KMT2C: variants seen among roughly 807,000 people sequenced by gnomAD.
The protein encoded by KMT2C is lysine methyltransferase 2C.
KMT2C carries 88 observed loss-of-function variants against 507.9 expected under a neutral mutation model. The ratio of observed to expected loss-of-function variants is 0.17; its 90% CI spans 0.15 to 0.21. The LOEUF (loss-of-function observed/expected upper bound fraction) is 0.21, where lower values mean the gene tolerates loss of function less well. Ranked by LOEUF, KMT2C falls within the 10% of genes least tolerant of loss-of-function variation. The pLI is 1.00. For missense variants in KMT2C, 4,954 were observed against 5,957.8 expected (o/e 0.83, Z 5.55); for synonymous variants, 2,049 against 2,080.8 (o/e 0.98, Z 0.42).
chr7:152,415,606 C>T (rs796889350), intron 1 of KMT2C, among the ~76,000 whole-genome samples: 1 of 152,134 alleles, frequency 6.6e-6, no homozygotes. Context: ...AAAAGGCTGA[C>T]GCGGTGGCTC....
intron 1 of KMT2C, among the ~76,000 whole-genome samples, chr7:152,376,856 C>A (rs2097332043): frequency 6.6e-6 from 1 of 152,264 alleles, no homozygotes; most frequent in Non-Finnish European, 1.5e-5. Flanking sequence ...AAGAAGATGC[C>A]ATCTAGGACT....
chr7:152,342,350 T>A (rs769316901), intron 2 of KMT2C, among the ~76,000 whole-genome samples: 26 of 152,210 alleles, frequency 1.7e-4, no homozygotes, highest in Non-Finnish European at 3.5e-4. Context: ...ATGAGACATA[T>A]TTATAATAAT....
chr7:152,325,779 T>C (rs1231573720), intron 3 of KMT2C, among the ~76,000 whole-genome samples: 1 of 152,146 alleles, frequency 6.6e-6, no homozygotes, highest in Non-Finnish European at 1.5e-5. Flanking sequence ...GGCTTTCCAT[T>C]TGTTTTTTAA....
chr7:152,212,111 A>T (rs554449562), intron 23 of KMT2C, among the ~76,000 whole-genome samples: 54 of 152,288 alleles, frequency 3.5e-4, no homozygotes, highest in Non-Finnish European at 1.6e-4. Context: ...AGACAGAAAG[A>T]AAAGAAAAAG....
chr7:152,363,009 T>C (rs540630827), intron 1 of KMT2C, among the ~76,000 whole-genome samples: 2 of 152,360 alleles, frequency 1.3e-5, no homozygotes, highest in South Asian at 2.1e-4. Flanking sequence ...TTGCTGCTCA[T>C]TGGCTTCTGC....
chr7:152,306,852 T>G (rs1229114433), intron 6 of KMT2C, among the ~76,000 whole-genome samples: 2 of 152,158 alleles, frequency 1.3e-5, no homozygotes, highest in African/African-American at 2.4e-5. Context: ...TTGTGCCTAT[T>G]TGATAATGAA....
At chr7:152,141,305 CAGAG>C (rs2090508189) in intron 55 of KMT2C, among the ~76,000 whole-genome samples, 1 of 151,986 alleles carries the variant, frequency 6.6e-6, no homozygotes, top group Non-Finnish European at 1.5e-5. Context: ...GTCTGGGTGA[CAGAG>C]TGAGACTCCA....
intron 6 of KMT2C, among the ~76,000 whole-genome samples, chr7:152,279,604 T>C (rs62492920): frequency 1.7e-5 from 2 of 116,714 alleles, no homozygotes; most frequent in African/African-American, 6.3e-5. Flanking sequence ...GAACAGTTCA[T>C]TGACTGACTC....
At chr7:152,343,318 AAACT>A (rs1253673762) in intron 2 of KMT2C, among the ~76,000 whole-genome samples, 1 of 152,114 alleles carries the variant, frequency 6.6e-6, no homozygotes, top group African/African-American at 2.4e-5. Context: ...GATTTTTTTA[AAACT>A]AACAGAAATG....
intron 3 of KMT2C, among the ~76,000 whole-genome samples, chr7:152,322,208 C>T (rs181752891): frequency 1.1e-4 from 16 of 151,850 alleles, no homozygotes; most frequent in East Asian, 1.9e-4. Flanking sequence ...ACTAAAAATA[C>T]GAAAATAAGC....
chr7:152,226,463 C>T (rs1377481790), intron 18 of KMT2C, among the ~76,000 whole-genome samples: 1 of 152,092 alleles, frequency 6.6e-6, no homozygotes, highest in Admixed American at 6.5e-5. Flanking sequence ...AACTCCTGCC[C>T]TCAAGTGATC....
intron 10 of KMT2C, 152 bp downstream of exon 10, chr7:152,252,394 C>G (rs2095575958): frequency 3.0e-6 from 2 of 669,566 alleles, no homozygotes; most frequent in Non-Finnish European, 5.0e-6. Context: ...CTTTGAGACT[C>G]AAAAACATCA....
intron 49 of KMT2C, among the ~76,000 whole-genome samples, chr7:152,152,267 G>A (rs1459888289): frequency 2.6e-5 from 4 of 152,204 alleles, no homozygotes; most frequent in African/African-American, 9.6e-5. Flanking sequence ...GAAGAGAAGG[G>A]CCCTATAGAG....
At chr7:152,421,218 C>T (rs1219502212) in intron 1 of KMT2C, among the ~76,000 whole-genome samples, 1 of 151,966 alleles carries the variant, frequency 6.6e-6, no homozygotes, top group African/African-American at 2.4e-5. Flanking sequence ...GTCAGAATGG[C>T]TATGATTAAA....
Position 152,373,586 on chromosome 7 carries a change from T to C in KMT2C, c.162-14911A>G, listed in dbSNP as rs372099314. The stretch of plus-strand genomic sequence containing the variant: ...TAAGAAATAAGACACTTTAATACCA[T>C]AAAGGAACAGGCTAAAGTGTCATAA... On this transcript the variant is annotated intron_variant, in intron 1 of 58. Transcript: ENST00000262189. Among the ~76,000 whole-genome samples the C allele has an allele frequency of 1.1e-3, 166 of 152,264 alleles. 1 individual carries two copies. The highest frequency in any genetic ancestry group is 2.9e-3 in the African/African-American group (121 of 41,542).
intron 39 of KMT2C, among the ~76,000 whole-genome samples, chr7:152,171,627 A>G (rs1006759230): frequency 1.3e-5 from 2 of 152,238 alleles, no homozygotes; most frequent in Non-Finnish European, 2.9e-5. Flanking sequence ...GGCTGCAATA[A>G]GAAGCCAGCT....
At chr7:152,209,355 G>C (rs1385508800) in intron 23 of KMT2C, among the ~76,000 whole-genome samples, 3 of 151,228 alleles carry the variant, frequency 2.0e-5, no homozygotes, top group Non-Finnish European at 4.4e-5. Flanking sequence ...TACGTGGGAG[G>C]CTGAGGCAGG....
In KMT2C at chr7:152,182,119, A is replaced by G; in HGVS notation, c.5741T>C (p.Phe1914Ser). 6.2e-7 allele frequency: 1 copy of G among 1,614,206 alleles called. No homozygotes were observed. The highest frequency in any genetic ancestry group is 8.5e-7 in the Non-Finnish European group (1 of 1,180,034). Residue 1914 changes from phenylalanine (F) to serine (S), a missense_variant, in exon 36 of 59, where the codon TTT becomes TCT. Around this residue, in one of 29 missense-constraint regions of KMT2C, gnomAD observed 1,689 missense variants for 1,654.3 expected, o/e 1.02. Coordinates refer to ENST00000262189, the MANE Select transcript of KMT2C (RefSeq NM_170606.3). ...TGGTGCAGCAGAATTTCTTCTGGAA[A>G]AACTATGGCCCACAGGAGGTGGTCG... ...TPRPPPVGHS[F>S]SRRNSAAPVE...
At chr7:152,235,304 T>C (rs1390652917) in intron 16 of KMT2C, among the ~76,000 whole-genome samples, 1 of 151,830 alleles carries the variant, frequency 6.6e-6, no homozygotes, top group Non-Finnish European at 1.5e-5. Flanking sequence ...AATTTTTCTT[T>C]TTGAAAAAAG....
Sources: gnomAD v4.1 joint callset for allele counts (sites outside exome capture counted in the v4.1 genomes callset) on GRCh38, gnomAD v4.1.1 for gene constraint, gnomAD v4.1.1 regional missense constraint, MANE v1.5 for transcripts, NCBI Gene and HGNC (gene_info 2026-07-23, HGNC 2026-07-21) for gene names.